RSF1: variants seen among roughly 807,000 people sequenced by gnomAD.
RSF1 encodes the protein HBV pX-associated protein 8.
Under a neutral mutation model 145.2 loss-of-function variants are expected in RSF1, and 13 were observed. The ratio of observed to expected loss-of-function variants is 0.09; its 90% CI spans 0.06 to 0.14. The LOEUF (loss-of-function observed/expected upper bound fraction) is 0.14, where lower values mean the gene tolerates loss of function less well. RSF1 is among the 10% of genes least tolerant of loss of function. The probability of loss-of-function intolerance (pLI) is 1.00; values close to 1 mark genes in which losing one functional copy is unlikely to be tolerated. For synonymous variants in RSF1, 577 were observed against 592.6 expected, an observed-to-expected ratio of 0.97 and a Z score of 0.38; for missense variants, 1,517 against 1,718.2, an observed-to-expected ratio of 0.88 and a Z score of 2.07.
chr11:77,735,698 A>C (rs1366154801), intron 4 of RSF1, among the ~76,000 whole-genome samples: 2 of 152,116 alleles, frequency 1.3e-5, no homozygotes, highest in East Asian at 3.8e-4. Context: ...CAAAGTCAAA[A>C]TCTCATTTGC....
At chr11:77,773,879 T>C (rs1439856350) in intron 1 of RSF1, among the ~76,000 whole-genome samples, 2 of 152,214 alleles carry the variant, frequency 1.3e-5, no homozygotes, top group Admixed American at 1.3e-4. Context: ...CAAATGCTGA[T>C]AATTAAGAGA....
At position 77,815,104 on chromosome 11, in the gene RSF1, G is replaced by C. The variant is rs549902324; in HGVS notation, c.187+5424C>G. On this transcript the variant is annotated intron_variant, in intron 1 of 15. Transcript: ENST00000308488. ...TAAAGGGGAAGTGGAAGAGTAAGGA[G>C]AGAATGCCTGCTGTTCTCTCTAGTT... is the stretch of plus-strand genomic sequence containing the variant. Among the ~76,000 whole-genome samples the C allele has an allele frequency of 1.8e-4, 27 of 152,380 alleles. No individual in the cohort carries two copies. In the East Asian group the frequency reaches 4.6e-3, roughly 26 times the overall value.
At chr11:77,680,092 GTATAT>G (rs1296624308) in intron 11 of RSF1, among the ~76,000 whole-genome samples, 2 of 152,102 alleles carry the variant, frequency 1.3e-5, no homozygotes. Context: ...CATCACCAGA[GTATAT>G]TATATTGAAG....
At chr11:77,715,801 G>A (rs1960794520) in intron 5 of RSF1, among the ~76,000 whole-genome samples, 1 of 152,132 alleles carries the variant, frequency 6.6e-6, no homozygotes, top group Admixed American at 6.5e-5. Flanking sequence ...TTTTGAGACA[G>A]GGTTTCACTC....
upstream of RSF1, among the ~76,000 whole-genome samples, chr11:77,822,754 A>C (rs1948977028): frequency 6.6e-6 from 1 of 152,210 alleles, no homozygotes; most frequent in African/African-American, 2.4e-5. Context: ...GTTCTTTTGA[A>C]ACTTGGCAAA....
intron 13 of RSF1, among the ~76,000 whole-genome samples, chr11:77,676,410 C>T (rs1959703138): frequency 6.6e-6 from 1 of 152,070 alleles, no homozygotes; most frequent in Admixed American, 6.5e-5. Context: ...GATTACCAGT[C>T]CCAAGTCCAA....
chr11:77,821,108 G>A, upstream of RSF1: 1 of 446,046 alleles, frequency 2.2e-6, no homozygotes, highest in Non-Finnish European at 4.0e-6. Flanking sequence ...CGGGGCCTCG[G>A]GCGCTGTTCA....
At chr11:77,722,334 G>A (rs1010693262) in intron 5 of RSF1, among the ~76,000 whole-genome samples, 4 of 152,144 alleles carry the variant, frequency 2.6e-5, no homozygotes, top group African/African-American at 9.7e-5. Context: ...TCAGAAACAG[G>A]TGTATAACGG....
rs1366368721 is a variant in RSF1, at chr11:77,676,951, T to C, written c.3182A>G (p.Lys1061Arg). The C allele has an allele frequency of 6.2e-7, 1 of 1,614,206 alleles. No homozygotes were observed. The highest frequency in any genetic ancestry group is 1.7e-5 in the Admixed American group (1 of 60,026). The change falls in exon 13 of 16, where the codon AAA becomes AGA. Residue 1061 changes from lysine (K) to arginine (R), a missense_variant. Lys to Arg is a conservative substitution (Grantham distance 26). Coordinates refer to ENST00000308488, the MANE Select transcript of RSF1 (RefSeq NM_016578.4). Reference protein sequence around the residue: ...DISTITGHRGKDISTILDEER... With the variant: ...DISTITGHRGRDISTILDEER... ...TTCATCCAAAATAGTAGAGATGTCT[T>C]TCCCACGATGACCTGTGATGGTGGA...
Position 77,747,120 on chromosome 11 carries a change from T to C in RSF1, c.288A>G (p.Gln96=). The change falls in exon 3 of 16, where the codon CAA becomes CAG. Residue 96 remains glutamine, a synonymous_variant. Transcript: ENST00000308488. ...CCCATGCCCAGGTACTGTTAAACTC[T>C]TGGCATATCTGTCAGATAAAGTTAA... is the stretch of plus-strand genomic sequence containing the variant. ...RWEKYLIKIC[Q]EFNSTWAWEM... The C allele has an allele frequency of 1.2e-6, 2 of 1,606,066 alleles. No homozygotes were observed. Among genetic ancestry groups the C allele is most frequent in the East Asian group, 4.5e-5 (2 of 44,708 alleles).
chr11:77,701,811 C>G lies in RSF1; in HGVS notation c.1418G>C (p.Ser473Thr), dbSNP rs1458494845. Reference protein sequence around the residue: ...KFYETKEESYSPSKDRNIITE... With the variant: ...KFYETKEESYTPSKDRNIITE... The stretch of plus-strand genomic sequence containing the variant: ...GATGATATTTCTGTCCTTAGAGGGG[C>G]TATAGCTCTCTTCCTTTGTCTCATA... Residue 473 changes from serine to threonine, a missense_variant, in exon 6 of 16, where the codon AGC (serine) becomes ACC (threonine). Physicochemically the swap from Ser to Thr is moderately conservative, Grantham distance 58. Coordinates refer to ENST00000308488, the MANE Select transcript of RSF1 (RefSeq NM_016578.4). 6.2e-7 allele frequency: 1 copy of G among 1,614,008 alleles called. No individual in the cohort carries two copies. The highest frequency in any genetic ancestry group is 1.1e-5 in the South Asian group (1 of 91,074).
At chr11:77,737,504 A>T (rs1961385936) in intron 4 of RSF1, among the ~76,000 whole-genome samples, 2 of 151,594 alleles carry the variant, frequency 1.3e-5, no homozygotes, top group South Asian at 4.2e-4. Context: ...AAAACGGAAA[A>T]CTGCGTGCAG....
chr11:77,771,425 G>C (rs1424709867), intron 1 of RSF1, among the ~76,000 whole-genome samples: 3 of 152,190 alleles, frequency 2.0e-5, no homozygotes, highest in Admixed American at 1.3e-4. Context: ...ATGTATGAAA[G>C]TCCTGAGGAG....
rs1959285610 is a variant in RSF1 at position 77,663,586 on chromosome 11, A to C, written c.*3331T>G. On this transcript the variant is annotated 3_prime_UTR_variant, in exon 16 of 16. Transcript: ENST00000308488. ...CTACCCTTTATCCTCTGAATCTGTA[A>C]CCTTGACCAATTGAAAAAAGGATGT... The C allele has an allele frequency of 6.6e-6, 1 of 152,134 alleles. No homozygotes were observed. Among genetic ancestry groups the C allele is most frequent in the African/African-American group, 2.4e-5 (1 of 41,446 alleles). The allele number at this position is 152,134 out of a possible 1,614,324, so 9.4% of individuals were successfully genotyped here. A position where few individuals can be genotyped will look rare whatever the true frequency, so the allele number is the denominator to read the frequency against.
intron 2 of RSF1, among the ~76,000 whole-genome samples, chr11:77,747,439 G>C (rs1948013742): frequency 6.6e-6 from 1 of 152,100 alleles, no homozygotes; most frequent in Non-Finnish European, 1.5e-5. Context: ...CTCTCCAAAT[G>C]GCTGGAAGTT....
In RSF1 at chr11:77,701,784, G is replaced by A. The variant is rs371922152; in HGVS notation, c.1445C>T (p.Thr482Met). The stretch of plus-strand genomic sequence containing the variant: ...TAAGGACTCTGTTCCATTTCCCTCC[G>A]TGATGATATTTCTGTCCTTAGAGGG... ...YSPSKDRNII[T>M]EGNGTESLNS... The change falls in exon 6 of 16, where the codon ACG becomes ATG. Residue 482 changes from threonine to methionine, a missense_variant. By Grantham distance (81) the Thr-to-Met change is moderately conservative. Coordinates refer to ENST00000308488, the MANE Select transcript of RSF1 (RefSeq NM_016578.4). 1.2e-5 allele frequency: 20 copies of A among 1,613,670 alleles called. 1 individual carries two copies. Among genetic ancestry groups the A allele is most frequent in the South Asian group, 6.6e-5 (6 of 91,064 alleles).
In RSF1 at chr11:77,740,763, A is replaced by G; in HGVS notation, c.546T>C (p.Asp182=). 1 of 1,614,140 alleles carries G rather than the reference A, an allele frequency of 6.2e-7. No homozygotes were observed. The highest frequency in any genetic ancestry group is 8.5e-7 in the Non-Finnish European group (1 of 1,179,976). Residue 182 remains aspartate, a synonymous_variant, in exon 4 of 16, where the codon GAT becomes GAC. Transcript: ENST00000308488. The part of the protein sequence containing the change: ...NVRMYIEEQD[D]QDGSSWKCIV... ...TGCATTTCCATGAAGAGCCATCTTG[A>G]TCATCTTGTTCTTCTATGTACATTC...
upstream of RSF1, among the ~76,000 whole-genome samples, chr11:77,822,597 A>C (rs1024909317): frequency 6.6e-6 from 1 of 152,120 alleles, no homozygotes; most frequent in African/African-American, 2.4e-5. Context: ...AAGGGGAAAA[A>C]CCATAAGGGT....
chr11:77,675,083 G>A lies in RSF1; in HGVS notation c.3515C>T (p.Ser1172Phe), dbSNP rs1247999652. Residue 1172 changes from serine to phenylalanine, a missense_variant, in exon 14 of 16, where the codon TCC becomes TTC. Physicochemically the swap from Ser to Phe is radical, Grantham distance 155. This residue lies in a region of RSF1 where 231 missense variants were observed against 276.6 expected (regional missense o/e 0.84). Coordinates refer to ENST00000308488, the MANE Select transcript of RSF1 (RefSeq NM_016578.4). Reference protein sequence around the residue: ...LRRKTPKKKYSDDDEEEESEE... With the variant: ...LRRKTPKKKYFDDDEEEESEE... ...AGATTCCTCCTCTTCATCATCATCG[G>A]AATATTTTTTCTTTGGGGTCTTTCT... is the stretch of plus-strand genomic sequence containing the variant. 4.3e-6 allele frequency: 7 copies of A among 1,613,944 alleles called. No individual in the cohort carries two copies. The highest frequency in any genetic ancestry group is 5.9e-6 in the Non-Finnish European group (7 of 1,179,972).
Sources: gnomAD v4.1 joint callset for allele counts (sites outside exome capture counted in the v4.1 genomes callset) on GRCh38, gnomAD v4.1.1 for gene constraint, gnomAD v4.1.1 regional missense constraint, MANE v1.5 for transcripts, NCBI Gene and HGNC (gene_info 2026-07-23, HGNC 2026-07-21) for gene names.